Variants in PPP1R9A observed in about 807,000 individuals in gnomAD.
PPP1R9A encodes the protein neurabin-1.
A neutral mutation model predicts 141.9 loss-of-function variants in PPP1R9A; 59 were observed. The ratio of observed to expected loss-of-function variants is 0.42; its 90% CI spans 0.34 to 0.52. The LOEUF (loss-of-function observed/expected upper bound fraction) is 0.52. Among genes scored for constraint, PPP1R9A ranks in the 20% least tolerant of loss-of-function variants. The pLI is 0.10. For missense variants in PPP1R9A, 1,444 were observed against 1,611.9 expected, an observed-to-expected ratio of 0.90 and a Z score of 1.78; for synonymous variants, 500 against 569.7, an observed-to-expected ratio of 0.88 and a Z score of 1.74.
chr7:95,208,956 T>TAAAAAAAAAA (rs10670515), intron 7 of PPP1R9A, among the ~76,000 whole-genome samples: 5 of 76,896 alleles, frequency 6.5e-5, no homozygotes, highest in Admixed American at 3.2e-4. Flanking sequence ...ATAGCAAAAC[T>TAAAAAAAAAA]AAAAAAAAAA....
At position 95,293,940 on chromosome 7, in the gene PPP1R9A, G is replaced by T. The variant is rs2116208339; in HGVS notation, c.*3637G>T. ...AGTGTTCTAGAGGATTCTAAAGGAA[G>T]CTGCCCCAGCAGCCCTGAGAGAACC... On this transcript the variant is annotated 3_prime_UTR_variant, in exon 20 of 20. Transcript: ENST00000433360. The T allele has an allele frequency of 6.6e-6, 1 of 152,342 alleles. No homozygotes were observed. The highest frequency in any genetic ancestry group is 2.4e-5 in the African/African-American group (1 of 41,580). 9.4% of individuals were successfully genotyped at this position (152,342 alleles called of 1,614,324 possible). A position where few individuals can be genotyped will look rare whatever the true frequency, so the allele number is the denominator to read the frequency against.
intron 2 of PPP1R9A, among the ~76,000 whole-genome samples, chr7:95,044,426 T>A (rs1809699071): frequency 6.6e-6 from 1 of 152,202 alleles, no homozygotes; most frequent in African/African-American, 2.4e-5. Context: ...TCAGGAATAT[T>A]ATCTCAAGTT....
At chr7:95,285,575 AT>A (rs1169745145) in intron 17 of PPP1R9A, among the ~76,000 whole-genome samples, 5 of 152,118 alleles carry the variant, frequency 3.3e-5, no homozygotes, top group Admixed American at 3.3e-4. Flanking sequence ...CCAGGTGATT[AT>A]TTGGAAACCT....
At chr7:95,158,288 CAT>C (rs1028654790) in intron 4 of PPP1R9A, among the ~76,000 whole-genome samples, 1 of 152,108 alleles carries the variant, frequency 6.6e-6, no homozygotes, top group Non-Finnish European at 1.5e-5. Flanking sequence ...ATTGCCAACA[CAT>C]ATTATAATTT....
chr7:95,282,855 C>T (rs538654165), intron 16 of PPP1R9A, among the ~76,000 whole-genome samples: 4 of 152,222 alleles, frequency 2.6e-5, no homozygotes, highest in African/African-American at 9.6e-5. Context: ...ATGTCCCAGT[C>T]GATCCTCACA....
rs186771143 is a variant in PPP1R9A at position 94,934,376 on chromosome 7, T to G, written c.1395+22868T>G. Reference sequence around the variant, plus strand: ...CATTTTGTCCTTTGTTTCATCTCCTTTAATGTGACCTTTCAAGATCTCTAA... The same window carrying G: ...CATTTTGTCCTTTGTTTCATCTCCTGTAATGTGACCTTTCAAGATCTCTAA... On this transcript the variant is annotated intron_variant, in intron 2 of 19. Transcript: ENST00000433360. Among the ~76,000 whole-genome samples the G allele has an allele frequency of 1.6e-4, 25 of 152,310 alleles. No individual in the cohort carries two copies. In the East Asian group the frequency reaches 4.4e-3, roughly 27 times the overall value.
intron 4 of PPP1R9A, among the ~76,000 whole-genome samples, chr7:95,124,476 A>T (rs963232405): frequency 1.3e-5 from 2 of 152,118 alleles, no homozygotes; most frequent in African/African-American, 4.8e-5. Context: ...GTTTTTTAAA[A>T]TTTTGGCTGA....
chr7:95,000,018 G>A (rs1802694582), intron 2 of PPP1R9A, among the ~76,000 whole-genome samples: 1 of 152,008 alleles, frequency 6.6e-6, no homozygotes, highest in Admixed American at 6.6e-5. Context: ...GACTGGGCTG[G>A]TCTTAAAATC....
At chr7:95,014,300 T>C (rs1220513617) in intron 2 of PPP1R9A, among the ~76,000 whole-genome samples, 1 of 152,050 alleles carries the variant, frequency 6.6e-6, no homozygotes, top group Admixed American at 6.6e-5. Flanking sequence ...AAGAGTTCCT[T>C]ATTTTTTCTT....
chr7:95,219,088 C>G (rs577533728), intron 7 of PPP1R9A, among the ~76,000 whole-genome samples: 1 of 152,190 alleles, frequency 6.6e-6, no homozygotes, highest in African/African-American at 2.4e-5. Flanking sequence ...ATTTGTCATG[C>G]TTTTGCAGTG....
At chr7:94,987,713 CTA>C (rs2151394876) in intron 2 of PPP1R9A, among the ~76,000 whole-genome samples, 1 of 152,168 alleles carries the variant, frequency 6.6e-6, no homozygotes, top group African/African-American at 2.4e-5. Flanking sequence ...AATTTGTACA[CTA>C]TTATGTATGA....
At chr7:95,053,442 A>T (rs970457657) in intron 2 of PPP1R9A, among the ~76,000 whole-genome samples, 7 of 152,212 alleles carry the variant, frequency 4.6e-5, no homozygotes, top group Admixed American at 2.0e-4. Context: ...ATTCATGTAC[A>T]CAAAAGAAGT....
At chr7:95,019,526 G>C (rs1276446752) in intron 2 of PPP1R9A, among the ~76,000 whole-genome samples, 7 of 152,136 alleles carry the variant, frequency 4.6e-5, no homozygotes. Flanking sequence ...CTTGTGTCCA[G>C]AATATATAAA....
intron 14 of PPP1R9A, among the ~76,000 whole-genome samples, chr7:95,271,532 T>C (rs1017890380): frequency 6.6e-6 from 1 of 152,108 alleles, no homozygotes; most frequent in Non-Finnish European, 1.5e-5. Flanking sequence ...GATTAACTCA[T>C]TTTTTTAACA....
intron 2 of PPP1R9A, among the ~76,000 whole-genome samples, chr7:95,015,471 A>G (rs909616248): frequency 2.6e-5 from 4 of 152,284 alleles, no homozygotes; most frequent in African/African-American, 9.6e-5. Flanking sequence ...GCTTAATAAT[A>G]GAATGGATGT....
intron 2 of PPP1R9A, among the ~76,000 whole-genome samples, chr7:94,953,346 GT>G (rs200326561): frequency 0.075 from 11,386 of 152,216 alleles, 589 homozygotes; most frequent in Non-Finnish European, 0.12. Flanking sequence ...GTACCATGCT[GT>G]TTTAGTTACT....
chr7:94,955,029 T>C (rs959470485), intron 2 of PPP1R9A, among the ~76,000 whole-genome samples: 2 of 152,046 alleles, frequency 1.3e-5, no homozygotes, highest in African/African-American at 4.8e-5. Flanking sequence ...AAAAACTTTC[T>C]GAATCAGATA....
intron 2 of PPP1R9A, among the ~76,000 whole-genome samples, chr7:95,022,142 T>C (rs1201498207): frequency 6.6e-6 from 1 of 152,208 alleles, no homozygotes; most frequent in African/African-American, 2.4e-5. Context: ...CCTCTCTTAT[T>C]TCCTTGAGCA....
intron 16 of PPP1R9A, among the ~76,000 whole-genome samples, chr7:95,277,869 G>C (rs1390067924): frequency 6.6e-6 from 1 of 152,230 alleles, no homozygotes; most frequent in Non-Finnish European, 1.5e-5. Flanking sequence ...AGCCACTGAT[G>C]TCAGTGGAGC....
Sources: gnomAD v4.1 joint callset for allele counts (sites outside exome capture counted in the v4.1 genomes callset) on GRCh38, gnomAD v4.1.1 for gene constraint, MANE v1.5 for transcripts, NCBI Gene and HGNC (gene_info 2026-07-23, HGNC 2026-07-21) for gene names.